RTN4R: variants seen among roughly 807,000 people sequenced by gnomAD.
RTN4R encodes the protein reticulon 4 receptor, also known as reticulon-4 receptor.
RTN4R carries 4 observed loss-of-function variants against 27.7 expected under a neutral mutation model. The observed-to-expected ratio is 0.14, with a 90% CI of 0.07 to 0.33. RTN4R has a LOEUF of 0.33. Among genes scored for constraint, RTN4R ranks in the 10% least tolerant of loss-of-function variants. RTN4R has a pLI of 1.00. For synonymous variants in RTN4R, 290 were observed against 305.6 expected, an observed-to-expected ratio of 0.95 and a Z score of 0.53; for missense variants, 554 against 671.5, an observed-to-expected ratio of 0.83 and a Z score of 1.93.
At position 20,241,568 on chromosome 22, in the gene RTN4R, G is replaced by A. The variant is rs1288463765; in HGVS notation, c.*143C>T. ...TAAACATGATGGGGTGGAGATGGGG[G>A]TGGCGGGCGGCAGGCGTCCATCAGG... is the stretch of plus-strand genomic sequence containing the variant. On this transcript the variant is annotated 3_prime_UTR_variant, in exon 2 of 2. Transcript: ENST00000043402. 15 of 820,524 alleles carry A rather than the reference G, an allele frequency of 1.8e-5. No individual in the cohort carries two copies. The highest frequency in any genetic ancestry group is 2.9e-5 in the Non-Finnish European group (15 of 518,542). 50.8% of individuals were successfully genotyped at this position (820,524 alleles called of 1,614,324 possible). A position where few individuals can be genotyped will look rare whatever the true frequency, so the allele number is the denominator to read the frequency against.
At chr22:20,267,356 C>G (rs1252256144) in intron 1 of RTN4R, among the ~76,000 whole-genome samples, 5 of 152,228 alleles carry the variant, frequency 3.3e-5, no homozygotes, top group Non-Finnish European at 5.9e-5. Flanking sequence ...TGGAGCCCAC[C>G]CTCCCTTGCC....
chr22:20,256,885 C>T (rs1350710041), intron 1 of RTN4R, among the ~76,000 whole-genome samples: 1 of 152,210 alleles, frequency 6.6e-6, no homozygotes, highest in African/African-American at 2.4e-5. Context: ...TGGGCCCACT[C>T]CCACGGTCTC....
At chr22:20,261,330 C>T (rs1289328413) in intron 1 of RTN4R, among the ~76,000 whole-genome samples, 1 of 152,212 alleles carries the variant, frequency 6.6e-6, no homozygotes, top group African/African-American at 2.4e-5. Context: ...TCACTAGTCT[C>T]GATTTCCACA....
intron 1 of RTN4R, among the ~76,000 whole-genome samples, chr22:20,264,871 C>G (rs2145986793): frequency 6.6e-6 from 1 of 152,312 alleles, no homozygotes; most frequent in South Asian, 2.1e-4. Context: ...CGGCATGAAC[C>G]TCATTGATCA....
At chr22:20,251,538 TATCACCACCATAATC>T (rs2145977562) in intron 1 of RTN4R, among the ~76,000 whole-genome samples, 1 of 128,634 alleles carries the variant, frequency 7.8e-6, no homozygotes, top group East Asian at 2.8e-4. Flanking sequence ...TCACCACCAC[TATCACCACCATAATC>T]ATCAGCAGCA....
intron 1 of RTN4R, among the ~76,000 whole-genome samples, chr22:20,252,837 A>C (rs2051192091): frequency 6.6e-6 from 1 of 152,058 alleles, no homozygotes; most frequent in Non-Finnish European, 1.5e-5. Context: ...GTAGGCAGAG[A>C]ATCTGCCAGC....
At chr22:20,263,250 T>A (rs2051258009) in intron 1 of RTN4R, among the ~76,000 whole-genome samples, 1 of 152,102 alleles carries the variant, frequency 6.6e-6, no homozygotes, top group Admixed American at 6.5e-5. Flanking sequence ...CCCACAGGTC[T>A]CCTCCTCTGG....
At chr22:20,253,406 C>T (rs1209388623) in intron 1 of RTN4R, among the ~76,000 whole-genome samples, 1 of 152,212 alleles carries the variant, frequency 6.6e-6, no homozygotes, top group African/African-American at 2.4e-5. Context: ...GCATGAAAGA[C>T]ACGTGTTCCT....
intron 1 of RTN4R, among the ~76,000 whole-genome samples, chr22:20,264,180 C>T (rs2145986360): frequency 6.6e-6 from 1 of 152,340 alleles, no homozygotes; most frequent in Non-Finnish European, 1.5e-5. Context: ...TCCCAGTGTC[C>T]AGCTCCACGG....
chr22:20,246,110 C>T (rs1026411987), intron 1 of RTN4R, among the ~76,000 whole-genome samples: 5 of 152,242 alleles, frequency 3.3e-5, no homozygotes, highest in Admixed American at 6.5e-5. Context: ...GCCCTGCTGG[C>T]TGTCAGGGCT....
chr22:20,267,073 G>A (rs1401665128), intron 1 of RTN4R, among the ~76,000 whole-genome samples: 1 of 152,260 alleles, frequency 6.6e-6, no homozygotes, highest in Non-Finnish European at 1.5e-5. Flanking sequence ...CAGGCATGCC[G>A]CGTGCATGCA....
At chr22:20,262,641 C>A (rs1220908213) in intron 1 of RTN4R, among the ~76,000 whole-genome samples, 1 of 152,240 alleles carries the variant, frequency 6.6e-6, no homozygotes, top group African/African-American at 2.4e-5. Flanking sequence ...CCTCCAGAGC[C>A]CCACACCCCA....
intron 1 of RTN4R, among the ~76,000 whole-genome samples, chr22:20,264,155 G>A (rs2051263796): frequency 6.6e-6 from 1 of 152,230 alleles, no homozygotes; most frequent in South Asian, 2.1e-4. Flanking sequence ...TGGGGTGGGT[G>A]TGCAGAGCTG....
chr22:20,260,906 A>G (rs1183394229), intron 1 of RTN4R, among the ~76,000 whole-genome samples: 1 of 151,702 alleles, frequency 6.6e-6, no homozygotes, highest in African/African-American at 2.4e-5. Flanking sequence ...ACTTCTCCAC[A>G]TGCACCCAGC....
In RTN4R at chr22:20,268,093, C is replaced by G; in HGVS notation, c.-1G>C. On this transcript the variant is annotated 5_prime_UTR_variant, in exon 1 of 2. Coordinates refer to ENST00000043402, the MANE Select transcript of RTN4R (RefSeq NM_023004.6). ...CACCTCCAGCGGACGCCCTCTTCAT[C>G]GTAGGGGTTGGGCGGGGCGCGTCGG... 8.5e-7 allele frequency: 1 copy of G among 1,171,400 alleles called. No homozygotes were observed. The highest frequency in any genetic ancestry group is 1.1e-6 in the Non-Finnish European group (1 of 946,316). The allele number at this position is 1,171,400 out of a possible 1,614,324, so 72.6% of individuals were successfully genotyped here. A position where few individuals can be genotyped will look rare whatever the true frequency, so the allele number is the denominator to read the frequency against.
At chr22:20,252,542 C>T (rs1027298614) in intron 1 of RTN4R, among the ~76,000 whole-genome samples, 2 of 152,186 alleles carry the variant, frequency 1.3e-5, no homozygotes, top group Non-Finnish European at 1.5e-5. Flanking sequence ...TTGCTGGCCA[C>T]CTTGCAAGGC....
intron 1 of RTN4R, among the ~76,000 whole-genome samples, chr22:20,250,699 C>A (rs1396039994): frequency 6.6e-6 from 1 of 152,156 alleles, no homozygotes; most frequent in Non-Finnish European, 1.5e-5. Context: ...AAATACTCTG[C>A]AGGTCAAAAC....
chr22:20,266,671 G>T lies in RTN4R; in HGVS notation c.22+1400C>A, dbSNP rs567560833. 2.6e-5 allele frequency among the ~76,000 whole-genome samples: 4 copies of T among 152,322 alleles called. No homozygotes were observed. The South Asian group carries it at 6.2e-4, about 24-fold the overall frequency. On this transcript the variant is annotated intron_variant, in intron 1 of 1. Coordinates refer to ENST00000043402, the MANE Select transcript of RTN4R (RefSeq NM_023004.6). ...CCTCAGCCCTGGTGGGTAGGGAGTG[G>T]CTGGGAGACCCTGCCCCTCACACCC...
intron 1 of RTN4R, among the ~76,000 whole-genome samples, chr22:20,246,012 G>C (rs1722836120): frequency 6.6e-6 from 1 of 152,192 alleles, no homozygotes; most frequent in African/African-American, 2.4e-5. Flanking sequence ...CACACAAACT[G>C]GTACATCTGT....
Sources: allele counts gnomAD v4.1 joint callset (sites outside exome capture counted in the v4.1 genomes callset), GRCh38; gene constraint gnomAD v4.1.1; transcripts MANE v1.5; gene names NCBI Gene and HGNC (gene_info 2026-07-23, HGNC 2026-07-21).